ZSCAN32: variants seen among roughly 807,000 people sequenced by gnomAD.
The protein encoded by ZSCAN32 is zinc finger and SCAN domain-containing protein 32.
A neutral mutation model predicts 47.4 loss-of-function variants in ZSCAN32; 52 were observed. The observed-to-expected ratio is 1.10, with a 90% CI of 0.88 to 1.38. The LOEUF is 1.38. Among genes scored for constraint, ZSCAN32 ranks in the 40% most tolerant of loss-of-function variants. ZSCAN32 has a pLI of 0.00. For missense variants in ZSCAN32, 959 were observed against 846.0 expected (o/e 1.13, Z -1.66); for synonymous variants, 346 against 305.7 (o/e 1.13, Z -1.38).
intron 3 of ZSCAN32, among the ~76,000 whole-genome samples, 156 bp from the exon 4 acceptor site, chr16:3,390,673 G>A (rs989755454): frequency 5.9e-5 from 9 of 152,106 alleles, no homozygotes; most frequent in Non-Finnish European, 1.0e-4. Flanking sequence ...CTTCTGAATC[G>A]GAAATTCTGG....
In ZSCAN32 at chr16:3,383,613, C is replaced by G. The variant is rs769475949; in HGVS notation, c.1333G>C (p.Val445Leu). ...NKALQRKSRG[V>L]YWHSELQKGL... The stretch of plus-strand genomic sequence containing the variant: ...TTTTGTAGCTCAGAGTGCCAATAAA[C>G]TCCTCTGGACTTTCTCTGTAAAGCC... Residue 445 changes from valine to leucine, a missense_variant, in exon 7 of 7, where the codon GTT (valine) becomes CTT (leucine). Transcript: ENST00000396852. 2.5e-6 allele frequency: 4 copies of G among 1,613,682 alleles called. No homozygotes were observed. The highest frequency in any genetic ancestry group is 1.6e-4 in the Middle Eastern group (1 of 6,062).
At chr16:3,397,104 G>A (rs2033439037) in intron 2 of ZSCAN32, 88 bp downstream of exon 2, 3 of 1,440,130 alleles carry the variant, frequency 2.1e-6, no homozygotes, top group African/African-American at 1.4e-5. Flanking sequence ...GGGCTACTGT[G>A]TGTTTCTCAA....
At chr16:3,386,709 CAT>C (rs1180486103) in intron 5 of ZSCAN32, among the ~76,000 whole-genome samples, 1 of 152,120 alleles carries the variant, frequency 6.6e-6, no homozygotes, top group Non-Finnish European at 1.5e-5. Context: ...CCAAATACCA[CAT>C]GTTGTCACTC....
At chr16:3,388,985 TA>T (rs1308538554) in intron 5 of ZSCAN32, among the ~76,000 whole-genome samples, 1 of 152,244 alleles carries the variant, frequency 6.6e-6, no homozygotes, top group African/African-American at 2.4e-5. Context: ...TTACAGTGGT[TA>T]ATTTTATGTC....
chr16:3,390,500 C>A lies in ZSCAN32; in HGVS notation c.550G>T (p.Ala184Ser), dbSNP rs117689911. 7.3e-3 allele frequency: 11,309 copies of A among 1,548,936 alleles called. 60 individuals are homozygous for A. The highest frequency in any genetic ancestry group is 0.013 in the Middle Eastern group (64 of 4,792). Residue 184 changes from alanine (A) to serine (S), a missense_variant, in exon 4 of 7, where the codon GCT (alanine) becomes TCT (serine). Ala to Ser is a moderately conservative substitution (Grantham distance 99). Transcript: ENST00000396852. The stretch of plus-strand genomic sequence containing the variant: ...GTGTTTTGAGGCAGGTTCCTGGGAG[C>A]CTGAGGAGCAAGCCAGGCTGGGGGA... ...EQSEAWLAPQ[A>S]PRNLPQNTGL...
intron 6 of ZSCAN32, chr16:3,384,210 A>G (rs1469811677): frequency 2.7e-5 from 16 of 598,328 alleles, no homozygotes; most frequent in Non-Finnish European, 4.1e-5. Flanking sequence ...CAGTCTGACA[A>G]TGCATAGTGA....
intron 1 of ZSCAN32, among the ~76,000 whole-genome samples, chr16:3,400,240 T>C (rs1458335308): frequency 6.6e-6 from 1 of 152,198 alleles, no homozygotes; most frequent in Admixed American, 6.5e-5. Context: ...AAGGGCATTA[T>C]TATTGTTAGC....
intron 3 of ZSCAN32, among the ~76,000 whole-genome samples, chr16:3,393,244 T>A (rs374504708): frequency 5.8e-5 from 1 of 17,368 alleles, no homozygotes; most frequent in African/African-American, 4.2e-4. Flanking sequence ...ATATATTTTA[T>A]ATATATATAT....
At position 3,383,063 on chromosome 16, in the gene ZSCAN32, G is replaced by A. The variant is rs761844957; in HGVS notation, c.1883C>T (p.Thr628Ile). ...SQFSAHRRIH[T>I]GESPYKCAVC... ...TGCACACTTGTATGGGCTCTCCCCA[G>A]TGTGGATGCGCCGGTGAGCACTGAA... Residue 628 changes from threonine to isoleucine, a missense_variant, in exon 7 of 7, where the codon ACT (threonine) becomes ATT (isoleucine). Coordinates refer to ENST00000396852, the MANE Select transcript of ZSCAN32 (RefSeq NM_001284527.2). The A allele has an allele frequency of 8.7e-6, 14 of 1,614,100 alleles. No individual in the cohort carries two copies. In the South Asian group the frequency reaches 1.1e-4, roughly 13 times the overall value.
At chr16:3,395,607 A>G (rs1456564301) in intron 2 of ZSCAN32, among the ~76,000 whole-genome samples, 1 of 152,192 alleles carries the variant, frequency 6.6e-6, no homozygotes, top group African/African-American at 2.4e-5. Flanking sequence ...TAAATTATCC[A>G]GTCTCGGGTA....
chr16:3,382,755 C>G lies in ZSCAN32; in HGVS notation c.*97G>C. On this transcript the variant is annotated 3_prime_UTR_variant, in exon 7 of 7. Transcript: ENST00000396852. ...TCTTAAGATCCAGTAGTCAGTAGGT[C>G]TGTTGCAAAGTCAGGGACTGGCTAG... 2.0e-6 allele frequency: 3 copies of G among 1,495,144 alleles called. No individual in the cohort carries two copies. The highest frequency in any genetic ancestry group is 1.8e-6 in the Non-Finnish European group (2 of 1,122,464). 92.6% of individuals were successfully genotyped at this position (1,495,144 alleles called of 1,614,324 possible).
Position 3,384,866 on chromosome 16 carries a change from T to G in ZSCAN32, c.827A>C (p.Lys276Thr). 2 of 1,614,090 alleles carry G rather than the reference T, an allele frequency of 1.2e-6. No homozygotes were observed. Among genetic ancestry groups the G allele is most frequent in the South Asian group, 2.2e-5 (2 of 91,078 alleles). The change falls in exon 6 of 7, where the codon AAA (lysine) becomes ACA (threonine). Residue 276 changes from lysine to threonine, a missense_variant. Physicochemically the swap from Lys to Thr is moderately conservative, Grantham distance 78. Coordinates refer to ENST00000396852, the MANE Select transcript of ZSCAN32 (RefSeq NM_001284527.2). ...AILSSSQFYG[K>T]LQTCQQNSQI... ...GCTGTTCTGCTGACAGGTCTGGAGT[T>G]TTCCATAAAATTGAGAACTACTAAG...
chr16:3,393,351 A>G (rs2033044112), intron 3 of ZSCAN32, among the ~76,000 whole-genome samples: 1 of 132,308 alleles, frequency 7.6e-6, no homozygotes, highest in Non-Finnish European at 1.6e-5. Flanking sequence ...AGTTCTCCTG[A>G]CTCAGCCTCC....
At chr16:3,386,920 A>C (rs1220356608) in intron 5 of ZSCAN32, among the ~76,000 whole-genome samples, 9 of 140,416 alleles carry the variant, frequency 6.4e-5, no homozygotes, top group Non-Finnish European at 9.1e-5. Context: ...GTGCACATGT[A>C]CCTTAAAGCT....
chr16:3,396,888 C>T (rs762925628), intron 2 of ZSCAN32, among the ~76,000 whole-genome samples: 4 of 152,202 alleles, frequency 2.6e-5, no homozygotes, highest in Admixed American at 2.6e-4. Flanking sequence ...TAGTTTTCCT[C>T]CATCCCCTGA....
chr16:3,384,710 G>T lies in ZSCAN32; in HGVS notation c.983C>A (p.Pro328His), dbSNP rs191971415. ...ATTCATTTCCTCATAAAAGATACAA[G>T]GCTCAGGCACACGGCCTCTCCTCAC... ...RKVRRGRVPEPCIFYEEMNAL... is the reference protein window; with the variant it reads ...RKVRRGRVPEHCIFYEEMNAL... Residue 328 changes from proline to histidine, a missense_variant, in exon 6 of 7, where the codon CCT becomes CAT. Pro to His is a moderately conservative substitution (Grantham distance 77, BLOSUM62 -2). Coordinates refer to ENST00000396852, the MANE Select transcript of ZSCAN32 (RefSeq NM_001284527.2). The T allele has an allele frequency of 1.6e-4, 266 of 1,614,174 alleles. No homozygotes were observed. The highest frequency in any genetic ancestry group is 6.5e-4 in the Admixed American group (39 of 60,014).
At chr16:3,398,759 C>T (rs1385910856) in intron 1 of ZSCAN32, among the ~76,000 whole-genome samples, 2 of 152,214 alleles carry the variant, frequency 1.3e-5, no homozygotes, top group South Asian at 2.1e-4. Context: ...CCAATTGCTA[C>T]CCTCTCCTCG....
chr16:3,382,613 G>T lies in ZSCAN32; in HGVS notation c.*239C>A. Reference sequence around the variant, plus strand: ...CCCTGGTTTCCTGGTAGAATTTATGGATCCTACAGCTTTCTCTCCATCAAA... The same window carrying T: ...CCCTGGTTTCCTGGTAGAATTTATGTATCCTACAGCTTTCTCTCCATCAAA... On this transcript the variant is annotated 3_prime_UTR_variant, in exon 7 of 7. Coordinates refer to ENST00000396852, the MANE Select transcript of ZSCAN32 (RefSeq NM_001284527.2). The T allele has an allele frequency of 2.4e-6, 1 of 413,692 alleles. No individual in the cohort carries two copies. Among genetic ancestry groups the T allele is most frequent in the Non-Finnish European group, 4.1e-6 (1 of 246,298 alleles). The allele number at this position is 413,692 out of a possible 1,614,324, so 25.6% of individuals were successfully genotyped here.
chr16:3,387,098 G>A (rs1202707875), intron 5 of ZSCAN32, among the ~76,000 whole-genome samples: 1 of 152,140 alleles, frequency 6.6e-6, no homozygotes, highest in South Asian at 2.1e-4. Flanking sequence ...ATGACTTATA[G>A]GGTTATTTAC....
Sources: gnomAD v4.1 joint callset for allele counts (sites outside exome capture counted in the v4.1 genomes callset) on GRCh38, gnomAD v4.1.1 for gene constraint, MANE v1.5 for transcripts, NCBI Gene and HGNC (gene_info 2026-07-23, HGNC 2026-07-21) for gene names.